Variants in RBFOX1 observed in about 807,000 individuals in gnomAD.
RBFOX1 encodes RNA binding protein fox-1 homolog 1.
In RBFOX1, 8 loss-of-function variants were observed where a neutral mutation model predicts 57.7. The observed-to-expected ratio is 0.14, with a 90% CI of 0.08 to 0.25. The LOEUF (loss-of-function observed/expected upper bound fraction) is 0.25. Among genes scored for constraint, RBFOX1 ranks in the 10% least tolerant of loss-of-function variants. The pLI, the probability that RBFOX1 is intolerant of heterozygous loss-of-function variation, is 1.00. For missense variants in RBFOX1, 611 were observed against 548.5 expected, an observed-to-expected ratio of 1.11 and a Z score of -1.14; for synonymous variants, 326 against 222.4, an observed-to-expected ratio of 1.47 and a Z score of -4.15.
chr16:6,543,165 A>T (rs921824620), intron 2 of RBFOX1, among the ~76,000 whole-genome samples: 1 of 152,170 alleles, frequency 6.6e-6, no homozygotes, highest in African/African-American at 2.4e-5. Flanking sequence ...CCCATCCCTT[A>T]GGTGGAACAT....
chr16:7,230,782 A>G (rs1015461702), intron 4 of RBFOX1, among the ~76,000 whole-genome samples: 8 of 152,192 alleles, frequency 5.3e-5, no homozygotes, highest in Non-Finnish European at 7.3e-5. Flanking sequence ...TGCTCTTCGG[A>G]CATAAACTTT....
intron 1 of RBFOX1, among the ~76,000 whole-genome samples, chr16:6,290,795 C>T (rs552621673): frequency 1.3e-5 from 2 of 152,252 alleles, no homozygotes; most frequent in South Asian, 2.1e-4. Context: ...TAAGTAAGTT[C>T]TTCTTGATAC....
chr16:7,612,743 G>C (rs887269173), intron 10 of RBFOX1, among the ~76,000 whole-genome samples: 1 of 152,170 alleles, frequency 6.6e-6, no homozygotes, highest in Admixed American at 6.5e-5. Context: ...ATAACAGAAG[G>C]TTACACAAAG....
chr16:6,616,776 A>G (rs2098147890), intron 2 of RBFOX1, among the ~76,000 whole-genome samples: 1 of 152,200 alleles, frequency 6.6e-6, no homozygotes, highest in Non-Finnish European at 1.5e-5. Flanking sequence ...GGCTTTTCTG[A>G]CAAGAGTGAG....
intron 1 of RBFOX1, among the ~76,000 whole-genome samples, chr16:6,136,414 G>C (rs1362191596): frequency 6.6e-6 from 1 of 152,108 alleles, no homozygotes; most frequent in Non-Finnish European, 1.5e-5. Context: ...GAAACAAGTT[G>C]AGACATACTG....
chr16:6,867,335 C>G (rs1024112203), intron 3 of RBFOX1, among the ~76,000 whole-genome samples: 4 of 151,898 alleles, frequency 2.6e-5, no homozygotes, highest in Admixed American at 2.0e-4. Context: ...TGGTTTTGTA[C>G]AAGGAATAAC....
chr16:5,306,345 G>C (rs2063933089), intron 1 of RBFOX1, among the ~76,000 whole-genome samples: 1 of 148,716 alleles, frequency 6.7e-6, no homozygotes, highest in Non-Finnish European at 1.5e-5. Context: ...TTGAGACGGA[G>C]TTTCACCCTT....
intron 1 of RBFOX1, among the ~76,000 whole-genome samples, chr16:6,030,934 A>G (rs986832687): frequency 1.3e-5 from 2 of 152,180 alleles, no homozygotes; most frequent in African/African-American, 4.8e-5. Flanking sequence ...TGGGGTGGGT[A>G]TATTGACCAA....
At chr16:7,505,081 A>T (rs2072785138) in intron 4 of RBFOX1, among the ~76,000 whole-genome samples, 1 of 151,550 alleles carries the variant, frequency 6.6e-6, no homozygotes, top group African/African-American at 2.4e-5. Context: ...GTGCTGAGTG[A>T]GTCAGAACAT....
At chr16:7,073,881 C>T (rs1259740087) in intron 4 of RBFOX1, among the ~76,000 whole-genome samples, 1 of 149,762 alleles carries the variant, frequency 6.7e-6, no homozygotes, top group Non-Finnish European at 1.5e-5. Context: ...TAAATAAATA[C>T]TAGATGTGTA....
chr16:6,083,139 C>G (rs573143679), intron 1 of RBFOX1, among the ~76,000 whole-genome samples: 59 of 152,142 alleles, frequency 3.9e-4, no homozygotes, highest in African/African-American at 1.4e-3. Flanking sequence ...GTAGCTGGGA[C>G]CAGAGGCATG....
chr16:7,389,239 C>T (rs1456670267), intron 4 of RBFOX1, among the ~76,000 whole-genome samples: 2 of 152,090 alleles, frequency 1.3e-5, no homozygotes, highest in Non-Finnish European at 1.5e-5. Flanking sequence ...TGATCCTGTA[C>T]CTCAGCCTCC....
At chr16:5,889,578 T>G (rs2057995159) in intron 4 of RBFOX1, among the ~76,000 whole-genome samples, 1 of 152,226 alleles carries the variant, frequency 6.6e-6, no homozygotes, top group Non-Finnish European at 1.5e-5. Flanking sequence ...TTGGATGTAT[T>G]TAGCACCCAC....
intron 3 of RBFOX1, among the ~76,000 whole-genome samples, chr16:6,817,464 C>G (rs1288598803): frequency 1.4e-5 from 2 of 148,052 alleles, no homozygotes; most frequent in South Asian, 2.1e-4. Flanking sequence ...GAGGCAGAGG[C>G]AGGCAGATTG....
intron 3 of RBFOX1, among the ~76,000 whole-genome samples, chr16:6,726,940 C>G (rs1373660924): frequency 6.6e-6 from 1 of 151,968 alleles, no homozygotes; most frequent in Non-Finnish European, 1.5e-5. Flanking sequence ...ACAATTAACA[C>G]TTTCTAATGG....
intron 3 of RBFOX1, among the ~76,000 whole-genome samples, chr16:5,815,616 G>A (rs1241943703): frequency 1.3e-5 from 2 of 152,344 alleles, no homozygotes; most frequent in East Asian, 3.9e-4. Context: ...GGAAGCCACA[G>A]CAGTTTCCAC....
At chr16:6,982,210 G>C (rs983278755) in intron 3 of RBFOX1, among the ~76,000 whole-genome samples, 5 of 152,204 alleles carry the variant, frequency 3.3e-5, no homozygotes, top group African/African-American at 1.2e-4. Context: ...GAATGGTCCT[G>C]TGGTTGGCTA....
At chr16:5,903,022 C>T (rs1343371356) in intron 4 of RBFOX1, among the ~76,000 whole-genome samples, 1 of 152,146 alleles carries the variant, frequency 6.6e-6, no homozygotes, top group Admixed American at 6.5e-5. Context: ...CCTTTCCAGC[C>T]TCCCATGGTT....
At chr16:6,060,136 T>TTTTG (rs1394441164) in intron 1 of RBFOX1, among the ~76,000 whole-genome samples, 11 of 22,966 alleles carry the variant, frequency 4.8e-4, no homozygotes, top group Admixed American at 1.0e-3. Context: ...TTTTTTTTTT[T>TTTTG]TTTTTTTTTT....
Sources: allele counts gnomAD v4.1 joint callset (sites outside exome capture counted in the v4.1 genomes callset), GRCh38; gene constraint gnomAD v4.1.1; transcripts MANE v1.5; gene names NCBI Gene and HGNC (gene_info 2026-07-23, HGNC 2026-07-21).